Variants in RELT observed in about 807,000 individuals in gnomAD.
The protein encoded by RELT is tumor necrosis factor receptor superfamily member 19L.
Under a neutral mutation model 51.1 loss-of-function variants are expected in RELT, and 37 were observed. The ratio of observed to expected loss-of-function variants is 0.72; its 90% CI spans 0.56 to 0.95. The LOEUF (loss-of-function observed/expected upper bound fraction) is 0.95, where lower values mean the gene tolerates loss of function less well. Ranked by LOEUF, RELT falls within the 40% of genes least tolerant of loss-of-function variation. The pLI, the probability that RELT is intolerant of heterozygous loss-of-function variation, is 0.00. For synonymous variants in RELT, 241 were observed against 235.7 expected (o/e 1.02, Z -0.21); for missense variants, 535 against 572.6 (o/e 0.93, Z 0.67).
intron 1 of RELT, among the ~76,000 whole-genome samples, chr11:73,377,269 A>AGTGTGTGTGTGTGTGTGTGT (rs369117500): frequency 0.026 from 3,848 of 146,102 alleles, 188 homozygotes; most frequent in African/African-American, 0.088. Flanking sequence ...AAGTGGTGTC[A>AGTGTGTGTGTGTGTGTGTGT]GTGTGTGTGT....
rs144475940 is a variant in RELT, at chr11:73,395,092, G to A, written c.1052G>A (p.Arg351His). Residue 351 changes from arginine (R) to histidine (H), a missense_variant, in exon 10 of 11, where the codon CGC becomes CAC. Transcript: ENST00000064780. ...TTGCCCCACTCTCCTCACAGGTTCCGCGTGGCTCGAATTCCTGAGCAGCGG... is the reference window on the plus strand; with the variant it reads ...TTGCCCCACTCTCCTCACAGGTTCCACGTGGCTCGAATTCCTGAGCAGCGG... The part of the protein sequence containing the change: ...EITILSVGRF[R>H]VARIPEQRTS... 6.0e-5 allele frequency: 96 copies of A among 1,613,052 alleles called. No homozygotes were observed. Among genetic ancestry groups the A allele is most frequent in the African/African-American group, 2.7e-4 (20 of 75,036 alleles).
At chr11:73,377,654 C>A (rs894146010) in intron 1 of RELT, among the ~76,000 whole-genome samples, 11 of 151,806 alleles carry the variant, frequency 7.2e-5, no homozygotes, top group African/African-American at 2.4e-4. Flanking sequence ...GTATTCTCAG[C>A]GGACCCGGAC....
chr11:73,393,855 G>A lies in RELT; in HGVS notation c.644G>A (p.Arg215Gln), dbSNP rs750370305. The A allele has an allele frequency of 1.1e-5, 17 of 1,613,906 alleles. No homozygotes were observed. Among genetic ancestry groups the A allele is most frequent in the South Asian group, 4.4e-5 (4 of 91,082 alleles). Residue 215 changes from arginine to glutamine, a missense_variant, in exon 7 of 11, where the codon CGG becomes CAG. Coordinates refer to ENST00000064780, the MANE Select transcript of RELT (RefSeq NM_152222.2). ...TCCCCAGGAATCAACCCTGCCTACC[G>A]GACTGAGGATGCCAATGAGGACACC... ...GGGSGINPAY[R>Q]TEDANEDTIG... is the part of the protein sequence containing the mutation.
chr11:73,391,081 C>A, intron 4 of RELT, 63 bp from the exon 5 acceptor site: 1 of 1,553,792 alleles, frequency 6.4e-7, no homozygotes, highest in Non-Finnish European at 8.8e-7. Flanking sequence ...AGGAATCCAG[C>A]CTCTCCTAAG....
chr11:73,387,634 G>C (rs189908473), intron 1 of RELT, among the ~76,000 whole-genome samples: 3 of 152,290 alleles, frequency 2.0e-5, no homozygotes, highest in Admixed American at 2.0e-4. Flanking sequence ...GGAGAGTCCT[G>C]AGATGATGTA....
intron 4 of RELT, 27 bp from the exon 5 acceptor site, chr11:73,391,117 C>T (rs760232563): frequency 1.9e-6 from 3 of 1,607,126 alleles, no homozygotes; most frequent in East Asian, 2.2e-5. Context: ...AACTTCTGGG[C>T]CTCAGTGGTA....
rs1267569440 is a variant in RELT, at chr11:73,395,885, T to G, written c.*394T>G. 3.2e-6 allele frequency: 1 copy of G among 313,602 alleles called. No homozygotes were observed. The highest frequency in any genetic ancestry group is 6.1e-6 in the Non-Finnish European group (1 of 164,452). The allele number at this position is 313,602 out of a possible 1,614,324, so 19.4% of individuals were successfully genotyped here. A position where few individuals can be genotyped will look rare whatever the true frequency, so the allele number is the denominator to read the frequency against. ...CTTGGTAATTAGCCACACCCTTGCC[T>G]CTGTACAGGGCCCTAGAGCAGATGT... On this transcript the variant is annotated 3_prime_UTR_variant, in exon 11 of 11. Coordinates refer to ENST00000064780, the MANE Select transcript of RELT (RefSeq NM_152222.2).
At position 73,390,691 on chromosome 11, in the gene RELT, G is replaced by A. The variant is rs1011834329; in HGVS notation, c.121-64G>A. The A allele has an allele frequency of 3.8e-5, 61 of 1,608,628 alleles. No homozygotes were observed. The Admixed American group carries it at 6.4e-4, about 17-fold the overall frequency. Reference sequence around the variant, plus strand: ...CTGAGGGCCAGGGGCAGAGTCCTGTGCCTGGCCCCCAAGGGTCCTCAGGCT... The same window carrying A: ...CTGAGGGCCAGGGGCAGAGTCCTGTACCTGGCCCCCAAGGGTCCTCAGGCT... On this transcript the variant is annotated intron_variant, in intron 3 of 10. Coordinates refer to ENST00000064780, the MANE Select transcript of RELT (RefSeq NM_152222.2).
At chr11:73,378,198 C>T (rs924749790) in intron 1 of RELT, among the ~76,000 whole-genome samples, 2 of 152,094 alleles carry the variant, frequency 1.3e-5, no homozygotes, top group African/African-American at 2.4e-5. Context: ...CCCCTTCTCC[C>T]GTATGAAGGT....
chr11:73,389,865 C>G (rs752283747), intron 2 of RELT, among the ~76,000 whole-genome samples: 6 of 152,134 alleles, frequency 3.9e-5, no homozygotes, highest in Admixed American at 6.5e-5. Context: ...CCAGCCTAGG[C>G]CAAATTGGGG....
At chr11:73,385,133 G>A (rs1023113639) in intron 1 of RELT, among the ~76,000 whole-genome samples, 4 of 152,144 alleles carry the variant, frequency 2.6e-5, no homozygotes, top group African/African-American at 9.7e-5. Context: ...TGACCTGGAG[G>A]CCAGAGACAG....
intron 6 of RELT, 132 bp downstream of exon 6, chr11:73,392,600 G>A: frequency 7.1e-7 from 1 of 1,412,228 alleles, no homozygotes. Flanking sequence ...GGTGATAGCT[G>A]CAGACTGACA....
chr11:73,381,963 G>A (rs1294742381), intron 1 of RELT, among the ~76,000 whole-genome samples: 1 of 152,180 alleles, frequency 6.6e-6, no homozygotes, highest in Non-Finnish European at 1.5e-5. Flanking sequence ...TCTGGCCCTC[G>A]TGGAGCTGTG....
At chr11:73,393,539 A>T in intron 6 of RELT, 1 of 1,322,250 alleles carries the variant, frequency 7.6e-7, no homozygotes, top group South Asian at 1.4e-5. Context: ...GACCCAGAAG[A>T]CGCTGACGCA....
intron 1 of RELT, among the ~76,000 whole-genome samples, chr11:73,382,151 A>G (rs925338633): frequency 7.2e-5 from 11 of 152,164 alleles, no homozygotes; most frequent in African/African-American, 2.7e-4. Flanking sequence ...TCCCTGCTCC[A>G]CCACTGCACT....
chr11:73,391,052 C>T lies in RELT; in HGVS notation c.288-92C>T, dbSNP rs941879714. On this transcript the variant is annotated intron_variant, in intron 4 of 10. Coordinates refer to ENST00000064780, the MANE Select transcript of RELT (RefSeq NM_152222.2). ...TGTGAAATGGGATGGGGCAGGACCACGGAGGGTGCCTGGTAGGAAGGAATC... is the reference window on the plus strand; with the variant it reads ...TGTGAAATGGGATGGGGCAGGACCATGGAGGGTGCCTGGTAGGAAGGAATC... The T allele has an allele frequency of 2.2e-5, 33 of 1,523,982 alleles. No individual in the cohort carries two copies. In the African/African-American group the frequency reaches 2.5e-4, roughly 11 times the overall value. 94.4% of individuals were successfully genotyped at this position (1,523,982 alleles called of 1,614,324 possible). A position where few individuals can be genotyped will look rare whatever the true frequency, so the allele number is the denominator to read the frequency against.
In RELT at chr11:73,378,676, T is replaced by C. The variant is rs184151792; in HGVS notation, c.-26+2177T>C. 2.2e-3 allele frequency among the ~76,000 whole-genome samples: 340 copies of C among 152,322 alleles called. 1 individual carries two copies. Among genetic ancestry groups the C allele is most frequent in the Non-Finnish European group, 3.3e-3 (226 of 68,030 alleles). ...GGCATTACATTGTGAGTTCTAAGTA[T>C]GATGTGTGTGTGTGCACACATGTCT... On this transcript the variant is annotated intron_variant, in intron 1 of 10. Transcript: ENST00000064780.
rs146155880 is a variant in RELT at position 73,394,538 on chromosome 11, G to T, written c.850G>T (p.Val284Leu). The T allele has an allele frequency of 7.4e-6, 12 of 1,611,548 alleles. No individual in the cohort carries two copies. The East Asian group carries it at 2.5e-4, about 33-fold the overall frequency. Residue 284 changes from valine to leucine, a missense_variant, in exon 9 of 11, where the codon GTG (valine) becomes TTG (leucine). By Grantham distance (32) the Val-to-Leu change is conservative. Coordinates refer to ENST00000064780, the MANE Select transcript of RELT (RefSeq NM_152222.2). This position sits in a 1 kb window ranked among gnomAD's most constrained non-coding sequence, Gnocchi z 4.9. ...ICPHRHHLHT[V>L]QGLASLSGPC... is the part of the protein sequence containing the mutation. The stretch of plus-strand genomic sequence containing the variant: ...CCCGCACCGCCACCATCTCCACACC[G>T]TGCAGGGCCTGGCCTCGCTCTCTGG...
rs1393019976 is a variant in RELT at position 73,394,960 on chromosome 11, A to G, written c.1047-127A>G. 2 of 969,358 alleles carry G rather than the reference A, an allele frequency of 2.1e-6. No individual in the cohort carries two copies. Among genetic ancestry groups the G allele is most frequent in the East Asian group, 2.5e-5 (1 of 39,568 alleles). 60.0% of individuals were successfully genotyped at this position (969,358 alleles called of 1,614,324 possible). On this transcript the variant is annotated intron_variant, in intron 9 of 10. Coordinates refer to ENST00000064780, the MANE Select transcript of RELT (RefSeq NM_152222.2). The surrounding 1 kb of genome is among the most constrained non-coding windows in gnomAD (Gnocchi z 4.9). Reference sequence around the variant, plus strand: ...TCCCTAGGGCAGCATCTTGGCCCCCATGGCACCCGGGCCTCTCAGGCTAAG... The same window carrying G: ...TCCCTAGGGCAGCATCTTGGCCCCCGTGGCACCCGGGCCTCTCAGGCTAAG...
Sources: gnomAD v4.1 joint callset for allele counts (sites outside exome capture counted in the v4.1 genomes callset) on GRCh38, gnomAD v4.1.1 for gene constraint, Gnocchi (gnomAD v3.1) non-coding constraint, MANE v1.5 for transcripts, NCBI Gene and HGNC (gene_info 2026-07-23, HGNC 2026-07-21) for gene names.